The following MAGI1 variants were observed in gnomAD, a reference collection of about 807,000 sequenced individuals.
The protein encoded by MAGI1 is membrane-associated guanylate kinase, WW and PDZ domain-containing protein 1.
A neutral mutation model predicts 139.9 loss-of-function variants in MAGI1; 58 were observed. The ratio of observed to expected loss-of-function variants is 0.41; its 90% CI spans 0.34 to 0.52. The LOEUF is 0.52. MAGI1 is among the 20% of genes least tolerant of loss of function. MAGI1 has a pLI of 0.12. For missense variants in MAGI1, 1,874 were observed against 1,901.6 expected, an observed-to-expected ratio of 0.99 and a Z score of 0.27; for synonymous variants, 812 against 737.9, an observed-to-expected ratio of 1.10 and a Z score of -1.63.
At chr3:65,637,732 C>T (rs950718892) in intron 1 of MAGI1, among the ~76,000 whole-genome samples, 6 of 152,080 alleles carry the variant, frequency 3.9e-5, no homozygotes, top group African/African-American at 1.4e-4. Context: ...AAAGGCAGCA[C>T]GGTTTAGGGC....
intron 1 of MAGI1, among the ~76,000 whole-genome samples, chr3:65,908,098 C>A (rs762248365): frequency 6.6e-6 from 1 of 152,136 alleles, no homozygotes; most frequent in Non-Finnish European, 1.5e-5. Flanking sequence ...AACAAACATG[C>A]CCTGAAGGAA....
At chr3:65,663,433 C>T (rs1438715155) in intron 1 of MAGI1, among the ~76,000 whole-genome samples, 1 of 152,066 alleles carries the variant, frequency 6.6e-6, no homozygotes, top group African/African-American at 2.4e-5. Flanking sequence ...ATTATTTTTT[C>T]CTTATGTTTG....
chr3:65,888,804 T>G (rs2060628542), intron 1 of MAGI1, among the ~76,000 whole-genome samples: 1 of 152,114 alleles, frequency 6.6e-6, no homozygotes, highest in Admixed American at 6.5e-5. Context: ...TCCCAAAAAC[T>G]ATGAACCACA....
rs142624540 is a variant in MAGI1, at chr3:65,535,761, A to G, written c.431-42130T>C. ...GTTTTATTTGGCAAAATGAAAATTAATATTTCTTAAAATAGAGATCAGTTA... is the reference window on the plus strand; with the variant it reads ...GTTTTATTTGGCAAAATGAAAATTAGTATTTCTTAAAATAGAGATCAGTTA... On this transcript the variant is annotated intron_variant, in intron 2 of 22. Transcript: ENST00000402939. 3.4e-3 allele frequency among the ~76,000 whole-genome samples: 513 copies of G among 152,340 alleles called. 6 individuals carry two copies. Among genetic ancestry groups the G allele is most frequent in the Admixed American group, 0.027 (411 of 15,296 alleles).
At chr3:65,827,605 C>A (rs182959076) in intron 1 of MAGI1, among the ~76,000 whole-genome samples, 2 of 152,134 alleles carry the variant, frequency 1.3e-5, no homozygotes, top group African/African-American at 4.8e-5. Flanking sequence ...CTTTGAAACG[C>A]CTTGGACCTA....
intron 13 of MAGI1, among the ~76,000 whole-genome samples, chr3:65,395,864 A>G (rs981911095): frequency 6.6e-6 from 1 of 151,770 alleles, no homozygotes; most frequent in Non-Finnish European, 1.5e-5. Context: ...TGTTTCCAGA[A>G]AGTTTGGTGT....
chr3:65,815,174 G>A lies in MAGI1; in HGVS notation c.314-193086C>T, dbSNP rs76889943. The stretch of plus-strand genomic sequence containing the variant: ...TAGTGGAAATCTCAATGATTCAAGG[G>A]ACTGAATAGAAGTTCCTTTCGTCAA... On this transcript the variant is annotated intron_variant, in intron 1 of 22. Transcript: ENST00000402939. 3.9e-3 allele frequency among the ~76,000 whole-genome samples: 591 copies of A among 152,256 alleles called. 2 individuals are homozygous for A. Among genetic ancestry groups the A allele is most frequent in the South Asian group, 0.023 (113 of 4,824 alleles).
chr3:65,550,800 A>AC (rs1206115954), intron 2 of MAGI1, among the ~76,000 whole-genome samples: 1 of 78,502 alleles, frequency 1.3e-5, no homozygotes, highest in Non-Finnish European at 2.8e-5. Context: ...CCCCATGTCC[A>AC]CAAAAAAAAA....
At chr3:65,795,307 T>A (rs947333233) in intron 1 of MAGI1, among the ~76,000 whole-genome samples, 3 of 151,078 alleles carry the variant, frequency 2.0e-5, no homozygotes, top group Non-Finnish European at 4.4e-5. Flanking sequence ...GCTGAGTGGC[T>A]AAAAAAAAAG....
In MAGI1 at chr3:65,356,525, G is replaced by A. The variant is rs762274991; in HGVS notation, c.4242C>T (p.Ser1414=). The change falls in exon 23 of 23, where the codon TCC becomes TCT. Residue 1414 remains serine (S), a synonymous_variant. Coordinates refer to ENST00000402939, the MANE Select transcript of MAGI1 (RefSeq NM_001033057.2). ...TGTCCTCTCTGTTCCTTTTGTCCAG[G>A]GACCGCTCTCTCCTGCGCTCGGGGG... The part of the protein sequence containing the change: ...ARSPERRRER[S]LDKRNREDRA... The A allele has an allele frequency of 3.1e-6, 5 of 1,610,620 alleles. No homozygotes were observed. The highest frequency in any genetic ancestry group is 3.4e-6 in the Non-Finnish European group (4 of 1,179,924).
intron 2 of MAGI1, among the ~76,000 whole-genome samples, chr3:65,537,058 G>C (rs1018153470): frequency 6.6e-6 from 1 of 152,108 alleles, no homozygotes; most frequent in African/African-American, 2.4e-5. Context: ...AAGTGTTACG[G>C]GGGATTGCAC....
chr3:65,809,789 G>A (rs187255420), intron 1 of MAGI1, among the ~76,000 whole-genome samples: 1 of 152,254 alleles, frequency 6.6e-6, no homozygotes, highest in Non-Finnish European at 1.5e-5. Context: ...ATTCCATTCC[G>A]TTTTGTCTTG....
intron 1 of MAGI1, among the ~76,000 whole-genome samples, chr3:65,796,268 G>C (rs772640713): frequency 2.6e-5 from 4 of 152,052 alleles, no homozygotes; most frequent in Non-Finnish European, 5.9e-5. Context: ...TTCTTTTAAG[G>C]CTTTCAACTG....
At chr3:65,783,028 G>T (rs1013775882) in intron 1 of MAGI1, among the ~76,000 whole-genome samples, 2 of 151,206 alleles carry the variant, frequency 1.3e-5, no homozygotes, top group South Asian at 2.1e-4. Context: ...AGAAAAAAGA[G>T]AAGTTGGATG....
chr3:65,889,923 G>A (rs979314549), intron 1 of MAGI1, among the ~76,000 whole-genome samples: 4 of 152,130 alleles, frequency 2.6e-5, no homozygotes, highest in Non-Finnish European at 5.9e-5. Context: ...GTATGAAGAT[G>A]GTCACTGCAG....
intron 5 of MAGI1, among the ~76,000 whole-genome samples, chr3:65,462,288 T>C (rs757622415): frequency 6.6e-6 from 1 of 152,230 alleles, no homozygotes; most frequent in Non-Finnish European, 1.5e-5. Context: ...CTTGAGTTAA[T>C]TTTTGTATAA....
intron 1 of MAGI1, among the ~76,000 whole-genome samples, chr3:65,804,492 A>G (rs1212409743): frequency 1.3e-5 from 2 of 151,962 alleles, no homozygotes; most frequent in Non-Finnish European, 2.9e-5. Flanking sequence ...TATTGATATT[A>G]TATTAATACA....
intron 2 of MAGI1, among the ~76,000 whole-genome samples, chr3:65,533,084 TAGAAC>T (rs1281789633): frequency 6.6e-6 from 1 of 152,200 alleles, no homozygotes; most frequent in East Asian, 1.9e-4. Flanking sequence ...CCCGCACACT[TAGAAC>T]AGCTCCTGGA....
At chr3:65,562,546 T>C (rs2080410869) in intron 2 of MAGI1, among the ~76,000 whole-genome samples, 1 of 152,168 alleles carries the variant, frequency 6.6e-6, no homozygotes, top group Admixed American at 6.5e-5. Context: ...TATAGTACAG[T>C]GGCAAGATCA....
Sources: allele counts gnomAD v4.1 joint callset (sites outside exome capture counted in the v4.1 genomes callset), GRCh38; gene constraint gnomAD v4.1.1; transcripts MANE v1.5; gene names NCBI Gene and HGNC (gene_info 2026-07-23, HGNC 2026-07-21).